SLC24A2: variants seen among roughly 807,000 people sequenced by gnomAD.
SLC24A2 encodes sodium/potassium/calcium exchanger 2.
SLC24A2 carries 36 observed loss-of-function variants against 62.0 expected under a neutral mutation model. The ratio of observed to expected loss-of-function variants is 0.58; its 90% CI spans 0.44 to 0.77. The LOEUF (loss-of-function observed/expected upper bound fraction) is 0.77. SLC24A2 is among the 30% of genes least tolerant of loss of function. The pLI, the probability that SLC24A2 is intolerant of heterozygous loss-of-function variation, is 0.00. For missense variants in SLC24A2, 846 were observed against 817.9 expected, an observed-to-expected ratio of 1.03 and a Z score of -0.42; for synonymous variants, 358 against 294.0, an observed-to-expected ratio of 1.22 and a Z score of -2.23.
chr9:19,965,451 TCAA>T, the SLC24A2 span, among the ~76,000 whole-genome samples: 12 of 152,132 alleles, frequency 7.9e-5, no homozygotes, highest in African/African-American at 2.9e-4. Flanking sequence ...TTTTAATATT[TCAA>T]CAACTTGCAC....
At chr9:20,268,766 A>C in the SLC24A2 span, among the ~76,000 whole-genome samples, 4 of 152,208 alleles carry the variant, frequency 2.6e-5, no homozygotes, top group Non-Finnish European at 4.4e-5. Context: ...GCATCCTTCC[A>C]GGGCCTATTT....
chr9:20,218,748 AC>A, the SLC24A2 span, among the ~76,000 whole-genome samples: 1 of 152,150 alleles, frequency 6.6e-6, no homozygotes, highest in Non-Finnish European at 1.5e-5. Flanking sequence ...CTGCTATGTA[AC>A]AAATCACCAC....
At chr9:19,524,878 C>T (rs1455377234) in intron 9 of SLC24A2, among the ~76,000 whole-genome samples, 6 of 151,930 alleles carry the variant, frequency 3.9e-5, no homozygotes, top group East Asian at 1.9e-4. Context: ...TTTTATAAAA[C>T]GGCAAAAAAG....
At chr9:19,859,539 A>G in the SLC24A2 span, among the ~76,000 whole-genome samples, 1 of 152,208 alleles carries the variant, frequency 6.6e-6, no homozygotes, top group African/African-American at 2.4e-5. Context: ...GCAAGATGAT[A>G]AAATAAAAGG....
At chr9:20,022,286 A>C in the SLC24A2 span, among the ~76,000 whole-genome samples, 6 of 152,244 alleles carry the variant, frequency 3.9e-5, no homozygotes, top group Non-Finnish European at 5.9e-5. Context: ...TAAAAATACC[A>C]AAAACTTATT....
At chr9:19,528,509 T>A (rs1283361174) in intron 8 of SLC24A2, among the ~76,000 whole-genome samples, 3 of 152,166 alleles carry the variant, frequency 2.0e-5, no homozygotes, top group Admixed American at 6.6e-5. Flanking sequence ...TTTCTTTCTT[T>A]TGCTCCAGAG....
At chr9:19,832,611 A>G in the SLC24A2 span, among the ~76,000 whole-genome samples, 1 of 152,208 alleles carries the variant, frequency 6.6e-6, no homozygotes, top group Non-Finnish European at 1.5e-5. Flanking sequence ...TAAAGACTTA[A>G]ATGTTACACC....
At chr9:19,893,309 C>G in the SLC24A2 span, among the ~76,000 whole-genome samples, 1 of 152,186 alleles carries the variant, frequency 6.6e-6, no homozygotes, top group African/African-American at 2.4e-5. Flanking sequence ...CCCCATCAAT[C>G]CATGCATTTC....
chr9:20,224,080 A>C, the SLC24A2 span, among the ~76,000 whole-genome samples: 1 of 152,102 alleles, frequency 6.6e-6, no homozygotes, highest in Non-Finnish European at 1.5e-5. Context: ...AACTGCCCTC[A>C]TGATCCAATC....
chr9:19,823,069 C>A, the SLC24A2 span, among the ~76,000 whole-genome samples: 11 of 152,274 alleles, frequency 7.2e-5, no homozygotes, highest in South Asian at 2.3e-3. Context: ...CTAGTCCCTT[C>A]TGGGCATCTG....
At chr9:20,170,821 GGC>G in the SLC24A2 span, among the ~76,000 whole-genome samples, 1 of 151,980 alleles carries the variant, frequency 6.6e-6, no homozygotes, top group East Asian at 1.9e-4. Flanking sequence ...AAACTTGCCT[GGC>G]CTTGCTAGAG....
chr9:20,098,921 C>T, the SLC24A2 span, among the ~76,000 whole-genome samples: 2 of 152,170 alleles, frequency 1.3e-5, no homozygotes, highest in East Asian at 1.9e-4. Flanking sequence ...GATTTTAGAC[C>T]CTGCTCTCCT....
chr9:19,579,510 T>C (rs1024726194), intron 5 of SLC24A2, among the ~76,000 whole-genome samples: 1 of 152,224 alleles, frequency 6.6e-6, no homozygotes, highest in African/African-American at 2.4e-5. Flanking sequence ...TTGGAGATGA[T>C]GCTTCTTCTA....
At chr9:19,630,740 C>A (rs1020371402) in intron 2 of SLC24A2, among the ~76,000 whole-genome samples, 32 of 152,198 alleles carry the variant, frequency 2.1e-4, no homozygotes, top group African/African-American at 7.5e-4. Flanking sequence ...GCAAAAACAT[C>A]ATATAAACCC....
At chr9:20,203,081 AT>A in the SLC24A2 span, among the ~76,000 whole-genome samples, 1 of 151,704 alleles carries the variant, frequency 6.6e-6, no homozygotes, top group African/African-American at 2.4e-5. Flanking sequence ...CTGAATAATA[AT>A]TCTTATCCAC....
the SLC24A2 span, among the ~76,000 whole-genome samples, chr9:20,015,163 A>C: frequency 3.5e-3 from 530 of 152,316 alleles, 4 homozygotes; most frequent in African/African-American, 0.012. Context: ...TCCCATCTTC[A>C]TGTATATAAT....
At chr9:19,793,461 G>T (rs374038009), upstream of SLC24A2, among the ~76,000 whole-genome samples, 9 of 152,330 alleles carry the variant, frequency 5.9e-5, no homozygotes, top group East Asian at 3.9e-4. Flanking sequence ...GAGCAAGAAA[G>T]TGCAGTTGCA....
intron 8 of SLC24A2, among the ~76,000 whole-genome samples, chr9:19,545,957 C>G (rs185749675): frequency 6.6e-6 from 1 of 152,304 alleles, no homozygotes. Flanking sequence ...TCTAACAGGA[C>G]CCTGTGCTGC....
the SLC24A2 span, among the ~76,000 whole-genome samples, chr9:20,306,030 G>A: frequency 6.6e-6 from 1 of 152,040 alleles, no homozygotes. Context: ...AATGACTTCG[G>A]TTTAAATAAC....
Sources: gnomAD v4.1 joint callset for allele counts (sites outside exome capture counted in the v4.1 genomes callset) on GRCh38, gnomAD v4.1.1 for gene constraint, MANE v1.5 for transcripts, NCBI Gene and HGNC (gene_info 2026-07-23, HGNC 2026-07-21) for gene names.